Variants in NLK observed in about 807,000 individuals in gnomAD.
The protein encoded by NLK is nemo like kinase, also known as serine/threonine-protein kinase NLK.
In NLK, 11 loss-of-function variants were observed where a neutral mutation model predicts 59.0. That is an observed-to-expected ratio of 0.19 (90% CI 0.12 to 0.31). The LOEUF (loss-of-function observed/expected upper bound fraction) is 0.31. Ranked by LOEUF, NLK falls within the 10% of genes least tolerant of loss-of-function variation. NLK has a pLI of 1.00. For missense variants in NLK, 410 were observed against 661.1 expected, an observed-to-expected ratio of 0.62 and a Z score of 4.16; for synonymous variants, 235 against 235.9, an observed-to-expected ratio of 1.00 and a Z score of 0.03.
chr17:28,178,920 G>C (rs117169825), intron 7 of NLK, among the ~76,000 whole-genome samples: 1 of 152,140 alleles, frequency 6.6e-6, no homozygotes, highest in African/African-American at 2.4e-5. Flanking sequence ...ACACTTGCAC[G>C]GTCTAGCTGA....
At chr17:28,160,213 G>A (rs933642048) in intron 3 of NLK, among the ~76,000 whole-genome samples, 1 of 152,198 alleles carries the variant, frequency 6.6e-6, no homozygotes, top group East Asian at 1.9e-4. Flanking sequence ...ATGATTGAAG[G>A]AGACTAAAGC....
At chr17:28,091,497 A>G (rs1904493260) in intron 1 of NLK, among the ~76,000 whole-genome samples, 1 of 151,290 alleles carries the variant, frequency 6.6e-6, no homozygotes, top group Non-Finnish European at 1.5e-5. Context: ...ATATACACAC[A>G]CACATATATA....
intron 1 of NLK, among the ~76,000 whole-genome samples, chr17:28,121,495 CTTTTTTTTTTTT>C (rs58647578): frequency 2.8e-5 from 2 of 72,298 alleles, no homozygotes; most frequent in African/African-American, 5.8e-5. Context: ...TCTTTCTTTT[CTTTTTTTTTTTT>C]TTTTTTTTTT....
At chr17:28,094,069 A>T (rs1904609867) in intron 1 of NLK, among the ~76,000 whole-genome samples, 1 of 152,346 alleles carries the variant, frequency 6.6e-6, no homozygotes, top group South Asian at 2.1e-4. Flanking sequence ...TAATTCACAG[A>T]TGCTGACAAA....
rs35804817 is a variant in NLK at position 28,131,586 on chromosome 17, T to TAAA, written c.589-1008_589-1006dup. Among the ~76,000 whole-genome samples the TAAA allele has an allele frequency of 7.5e-3, 627 of 83,674 alleles. 6 individuals carry two copies. Among genetic ancestry groups the TAAA allele is most frequent in the African/African-American group, 0.015 (322 of 21,286 alleles). 54.9% of individuals were successfully genotyped at this position (83,674 alleles called of 152,430 possible). A position where few individuals can be genotyped will look rare whatever the true frequency, so the allele number is the denominator to read the frequency against. ...TTTATATGTTTGAAGTTCTCTGTAG[T>TAAA]AAAAAAAAAAAAAAAAAAAAAAAAA... On this transcript the variant is annotated intron_variant, in intron 2 of 10. Coordinates refer to ENST00000407008, the MANE Select transcript of NLK (RefSeq NM_016231.5).
At chr17:28,104,151 T>C (rs889420015) in intron 1 of NLK, among the ~76,000 whole-genome samples, 1 of 152,354 alleles carries the variant, frequency 6.6e-6, no homozygotes, top group African/African-American at 2.4e-5. Flanking sequence ...TCTCACTCTC[T>C]AGTTTCTGGT....
chr17:28,103,790 GT>G (rs550558038), intron 1 of NLK, among the ~76,000 whole-genome samples: 72 of 152,254 alleles, frequency 4.7e-4, no homozygotes, highest in African/African-American at 1.6e-3. Context: ...AAGAGAAATA[GT>G]TTTAAGACTG....
At chr17:28,101,012 T>G (rs1338708787) in intron 1 of NLK, among the ~76,000 whole-genome samples, 1 of 152,166 alleles carries the variant, frequency 6.6e-6, no homozygotes, top group African/African-American at 2.4e-5. Flanking sequence ...GATATCCTAT[T>G]ATTCCATCAC....
chr17:28,054,819 A>G (rs893418284), intron 1 of NLK, among the ~76,000 whole-genome samples: 3 of 152,210 alleles, frequency 2.0e-5, no homozygotes, highest in African/African-American at 7.2e-5. Flanking sequence ...TTACTCCAGC[A>G]TTTGGGAGGC....
intron 1 of NLK, among the ~76,000 whole-genome samples, chr17:28,058,333 A>T (rs891574731): frequency 1.3e-5 from 2 of 152,230 alleles, no homozygotes; most frequent in African/African-American, 4.8e-5. Context: ...AACATCTATC[A>T]GCTTGTCTCT....
intron 1 of NLK, among the ~76,000 whole-genome samples, chr17:28,107,434 CA>C (rs202119739): frequency 1.1e-3 from 147 of 131,828 alleles, no homozygotes; most frequent in Admixed American, 1.0e-3. Context: ...AACTCTGTCT[CA>C]AAAAAAAAAA....
chr17:28,058,807 T>C (rs79346693), intron 1 of NLK, among the ~76,000 whole-genome samples: 1,583 of 152,244 alleles, frequency 0.01, 30 homozygotes, highest in African/African-American at 0.037. Flanking sequence ...GCTGAGTTTG[T>C]ATGTGATGGT....
chr17:28,134,062 T>C (rs1906631455), intron 3 of NLK, among the ~76,000 whole-genome samples: 1 of 151,420 alleles, frequency 6.6e-6, no homozygotes, highest in Admixed American at 6.6e-5. Flanking sequence ...ACTGCATCCA[T>C]GGATGAAAAA....
intron 1 of NLK, among the ~76,000 whole-genome samples, chr17:28,080,030 T>C (rs1910291685): frequency 6.6e-6 from 1 of 152,214 alleles, no homozygotes; most frequent in African/African-American, 2.4e-5. Context: ...TTCTTTTCCA[T>C]GTGGCTATCT....
chr17:28,110,356 G>C (rs1489637128), intron 1 of NLK, among the ~76,000 whole-genome samples: 1 of 152,036 alleles, frequency 6.6e-6, no homozygotes, highest in Non-Finnish European at 1.5e-5. Flanking sequence ...TTTCTGATGA[G>C]AAGTCAGTCA....
downstream of NLK, among the ~76,000 whole-genome samples, chr17:28,198,568 A>T (rs145290864): frequency 6.6e-6 from 1 of 150,972 alleles, no homozygotes; most frequent in Non-Finnish European, 1.5e-5. Context: ...CAAATGATCC[A>T]CCCACCTTGG....
intron 7 of NLK, among the ~76,000 whole-genome samples, chr17:28,184,386 A>G (rs1470800278): frequency 6.6e-6 from 1 of 152,186 alleles, no homozygotes; most frequent in East Asian, 1.9e-4. Context: ...CATTCTTGCC[A>G]AAGCATTTAA....
intron 1 of NLK, among the ~76,000 whole-genome samples, chr17:28,057,969 T>TG (rs1909498356): frequency 6.6e-6 from 1 of 152,212 alleles, no homozygotes; most frequent in African/African-American, 2.4e-5. Flanking sequence ...ACTGCTGTGT[T>TG]TGCTGCCTAG....
At chr17:28,056,061 C>T (rs1909433043) in intron 1 of NLK, among the ~76,000 whole-genome samples, 1 of 152,212 alleles carries the variant, frequency 6.6e-6, no homozygotes, top group South Asian at 2.1e-4. Flanking sequence ...TAACCTACAA[C>T]TCAGAGATAA....
Sources: allele counts gnomAD v4.1 joint callset (sites outside exome capture counted in the v4.1 genomes callset), GRCh38; gene constraint gnomAD v4.1.1; transcripts MANE v1.5; gene names NCBI Gene and HGNC (gene_info 2026-07-23, HGNC 2026-07-21).